The following DOK5 variants were observed in gnomAD, a reference collection of about 807,000 sequenced individuals.
DOK5 encodes docking protein 5.
In DOK5, 27 loss-of-function variants were observed where a neutral mutation model predicts 43.3. The ratio of observed to expected loss-of-function variants is 0.62; its 90% CI spans 0.46 to 0.86. DOK5 has a LOEUF of 0.86. Among genes scored for constraint, DOK5 ranks in the 40% least tolerant of loss-of-function variants. DOK5 has a pLI of 0.00. For missense variants in DOK5, 373 were observed against 392.9 expected (o/e 0.95, Z 0.43); for synonymous variants, 146 against 140.1 (o/e 1.04, Z -0.30).
chr20:54,485,168 A>G (rs549209507), intron 1 of DOK5, among the ~76,000 whole-genome samples: 1 of 152,292 alleles, frequency 6.6e-6, no homozygotes, highest in Non-Finnish European at 1.5e-5. Context: ...TGTCTCTACT[A>G]AAAATACAAA....
At chr20:54,515,948 C>G (rs1983184099) in intron 1 of DOK5, among the ~76,000 whole-genome samples, 1 of 152,222 alleles carries the variant, frequency 6.6e-6, no homozygotes, top group Non-Finnish European at 1.5e-5. Flanking sequence ...CATTAGCTGA[C>G]AGCAGTCCCT....
At chr20:54,577,943 G>C (rs1568792543) in intron 2 of DOK5, among the ~76,000 whole-genome samples, 1 of 152,210 alleles carries the variant, frequency 6.6e-6, no homozygotes, top group Admixed American at 6.5e-5. Flanking sequence ...AGGGCTGAGA[G>C]GGAATGAATG....
chr20:54,476,202 T>C (rs1981418531), intron 1 of DOK5, 190 bp downstream of exon 1: 2 of 985,286 alleles, frequency 2.0e-6, no homozygotes, highest in Non-Finnish European at 2.4e-6. Context: ...AATGGATCTA[T>C]CTTTATCTCT....
intron 5 of DOK5, among the ~76,000 whole-genome samples, chr20:54,594,646 C>A (rs984877001): frequency 2.6e-5 from 4 of 152,034 alleles, no homozygotes; most frequent in African/African-American, 9.7e-5. Flanking sequence ...CTGTTTTGGG[C>A]AGCACTTATT....
At chr20:54,649,456 T>A (rs1026674422) in intron 7 of DOK5, among the ~76,000 whole-genome samples, 1 of 152,188 alleles carries the variant, frequency 6.6e-6, no homozygotes, top group African/African-American at 2.4e-5. Context: ...TTGTTTTGAA[T>A]GTGTGTGGGT....
chr20:54,532,303 G>A lies in DOK5; in HGVS notation c.67-22630G>A, dbSNP rs7273118. On this transcript the variant is annotated intron_variant, in intron 1 of 7. Coordinates refer to ENST00000262593, the MANE Select transcript of DOK5 (RefSeq NM_018431.5). ...TGTACATTTTGGAATTAACCTGCTC[G>A]TGGGCAGGTGGGCTCCTGAGGTTGT... 3.2e-3 allele frequency among the ~76,000 whole-genome samples: 492 copies of A among 152,270 alleles called. 4 individuals carry two copies. The highest frequency in any genetic ancestry group is 0.011 in the African/African-American group (465 of 41,572).
intron 1 of DOK5, among the ~76,000 whole-genome samples, chr20:54,524,346 A>G (rs1983511322): frequency 6.6e-6 from 1 of 152,192 alleles, no homozygotes; most frequent in African/African-American, 2.4e-5. Context: ...ATAAACAGAT[A>G]TATGCTGTTA....
chr20:54,566,314 C>T (rs1985096750), intron 2 of DOK5, among the ~76,000 whole-genome samples: 1 of 152,120 alleles, frequency 6.6e-6, no homozygotes, highest in African/African-American at 2.4e-5. Context: ...ATACATTCAT[C>T]CACTGACGAA....
intron 1 of DOK5, among the ~76,000 whole-genome samples, chr20:54,484,443 G>T (rs1310115099): frequency 6.6e-6 from 1 of 151,508 alleles, no homozygotes. Context: ...TTAGATAATT[G>T]TTATGTTCAT....
chr20:54,551,210 G>A (rs949772044), intron 1 of DOK5, among the ~76,000 whole-genome samples: 1 of 152,180 alleles, frequency 6.6e-6, no homozygotes, highest in Non-Finnish European at 1.5e-5. Context: ...CCGGTGAGAT[G>A]TCTGTTCATG....
At chr20:54,632,628 T>G (rs1978622098) in intron 6 of DOK5, among the ~76,000 whole-genome samples, 1 of 152,222 alleles carries the variant, frequency 6.6e-6, no homozygotes, top group South Asian at 2.1e-4. Flanking sequence ...TTCTAGACTT[T>G]AACTCAGATT....
intron 1 of DOK5, among the ~76,000 whole-genome samples, chr20:54,498,804 C>G (rs1222741440): frequency 1.3e-5 from 2 of 152,090 alleles, no homozygotes; most frequent in African/African-American, 4.8e-5. Flanking sequence ...GATTTTCACT[C>G]TTTAGCCAAA....
At chr20:54,587,907 C>T (rs1985859270) in intron 2 of DOK5, among the ~76,000 whole-genome samples, 1 of 152,170 alleles carries the variant, frequency 6.6e-6, no homozygotes, top group Non-Finnish European at 1.5e-5. Context: ...TCATTATGTA[C>T]TTTCTATGAT....
intron 1 of DOK5, among the ~76,000 whole-genome samples, chr20:54,543,344 G>GGGGGGGGGGGGGGGTGA (rs1600691346): frequency 1.6e-5 from 1 of 64,186 alleles, no homozygotes; most frequent in Admixed American, 2.2e-4. Flanking sequence ...GGGTGGGTGG[G>GGGGGGGGGGGGGGGTGA]ATTCAGTTGA....
At chr20:54,494,882 C>G (rs1202750059) in intron 1 of DOK5, 2 of 151,932 alleles carry the variant, frequency 1.3e-5, no homozygotes, top group Non-Finnish European at 2.9e-5. Context: ...AACCCAGTCT[C>G]CAGCAACCTG....
At chr20:54,611,853 C>T (rs1237477216) in intron 6 of DOK5, among the ~76,000 whole-genome samples, 1 of 152,188 alleles carries the variant, frequency 6.6e-6, no homozygotes, top group Non-Finnish European at 1.5e-5. Context: ...TGTTCCAACA[C>T]AGCCCCGGGT....
rs952028342 is a variant in DOK5 at position 54,491,916 on chromosome 20, G to A, written c.66+15904G>A. On this transcript the variant is annotated intron_variant, in intron 1 of 7. Transcript: ENST00000262593. ...CAGAGTTTAATTTCTGGCAAAGAAT[G>A]GCAAAAAATGAAAGAAAGAGAGAAA... 4.6e-5 allele frequency among the ~76,000 whole-genome samples: 7 copies of A among 150,928 alleles called. No homozygotes were observed. In the South Asian group the frequency reaches 1.5e-3, roughly 32 times the overall value.
chr20:54,580,325 C>A (rs1046214841), intron 2 of DOK5, among the ~76,000 whole-genome samples: 1 of 152,224 alleles, frequency 6.6e-6, no homozygotes, highest in African/African-American at 2.4e-5. Flanking sequence ...GAAAAGATCT[C>A]TTCAAGACCT....
intron 1 of DOK5, among the ~76,000 whole-genome samples, chr20:54,524,494 G>T (rs903045605): frequency 6.6e-6 from 1 of 152,184 alleles, no homozygotes; most frequent in Non-Finnish European, 1.5e-5. Flanking sequence ...TATTAGCTGT[G>T]ACTAACACTG....
Sources: allele counts gnomAD v4.1 joint callset (sites outside exome capture counted in the v4.1 genomes callset), GRCh38; gene constraint gnomAD v4.1.1; transcripts MANE v1.5; gene names NCBI Gene and HGNC (gene_info 2026-07-23, HGNC 2026-07-21).